RSAD2: variants seen among roughly 807,000 people sequenced by gnomAD.
The protein encoded by RSAD2 is radical S-adenosyl methionine domain containing 2, also known as S-adenosylmethionine-dependent nucleotide dehydratase RSAD2.
Under a neutral mutation model 37.7 loss-of-function variants are expected in RSAD2, and 38 were observed. The observed-to-expected ratio is 1.01, with a 90% confidence interval of 0.78 to 1.32. The LOEUF (loss-of-function observed/expected upper bound fraction) is 1.32, where lower values mean the gene tolerates loss of function less well. RSAD2 is among the 40% of genes most tolerant of loss of function. RSAD2 has a pLI of 0.00. For synonymous variants in RSAD2, 163 were observed against 157.4 expected, an observed-to-expected ratio of 1.04 and a Z score of -0.27; for missense variants, 428 against 437.5, an observed-to-expected ratio of 0.98 and a Z score of 0.19.
intron 1 of RSAD2, among the ~76,000 whole-genome samples, chr2:6,871,539 G>A (rs1400681169): frequency 1.3e-5 from 2 of 152,142 alleles, no homozygotes; most frequent in African/African-American, 4.8e-5. Flanking sequence ...TCTAAAATTT[G>A]GTAAGGGATT....
At chr2:6,894,878 A>C (rs1347167474) in intron 5 of RSAD2, among the ~76,000 whole-genome samples, 2 of 152,282 alleles carry the variant, frequency 1.3e-5, no homozygotes, top group Non-Finnish European at 2.9e-5. Flanking sequence ...TCCAAGGTAG[A>C]GAGGAAAATT....
chr2:6,867,656 A>G (rs1249791649), intron 1 of RSAD2, among the ~76,000 whole-genome samples: 1 of 152,160 alleles, frequency 6.6e-6, no homozygotes, highest in Non-Finnish European at 1.5e-5. Flanking sequence ...CTCCACAGTC[A>G]CGTGCCAGTC....
At chr2:6,884,276 G>C (rs1015423766) in intron 2 of RSAD2, among the ~76,000 whole-genome samples, 2 of 152,168 alleles carry the variant, frequency 1.3e-5, no homozygotes, top group Non-Finnish European at 1.5e-5. Flanking sequence ...CATGGACTGT[G>C]GGGGAGGGAC....
intron 2 of RSAD2, 39 bp downstream of exon 2, chr2:6,883,571 C>T: frequency 6.2e-7 from 1 of 1,604,696 alleles, no homozygotes. Flanking sequence ...ATTGCTATTG[C>T]TATTTTTATT....
chr2:6,886,628 C>T (rs137903193), intron 2 of RSAD2, among the ~76,000 whole-genome samples: 34 of 152,282 alleles, frequency 2.2e-4, no homozygotes, highest in Non-Finnish European at 4.0e-4. Context: ...TCAGAAATTA[C>T]ATAATTTGTA....
At chr2:6,871,099 T>C (rs1410314996) in intron 1 of RSAD2, among the ~76,000 whole-genome samples, 1 of 152,200 alleles carries the variant, frequency 6.6e-6, no homozygotes, top group Non-Finnish European at 1.5e-5. Flanking sequence ...GTTGGTACTT[T>C]GAAAGTCCTC....
At chr2:6,869,588 A>G (rs977554556) in intron 1 of RSAD2, among the ~76,000 whole-genome samples, 1 of 152,222 alleles carries the variant, frequency 6.6e-6, no homozygotes, top group East Asian at 1.9e-4. Flanking sequence ...TACAATATAC[A>G]ATGAATTTCT....
intron 2 of RSAD2, among the ~76,000 whole-genome samples, chr2:6,884,383 G>C (rs1025758873): frequency 6.6e-6 from 1 of 152,150 alleles, no homozygotes; most frequent in African/African-American, 2.4e-5. Context: ...GGGCCTACAA[G>C]CGTGTAAAAC....
Position 6,877,821 on chromosome 2 carries a change from T to C in RSAD2, c.21T>C (p.Ala7=). 6.2e-7 allele frequency: 1 copy of C among 1,614,000 alleles called. No individual in the cohort carries two copies. The highest frequency in any genetic ancestry group is 1.1e-5 in the South Asian group (1 of 91,064). The change falls in exon 1 of 6, where the codon GCT becomes GCC. Residue 7 remains alanine (A), a synonymous_variant. Coordinates refer to ENST00000382040, the MANE Select transcript of RSAD2 (RefSeq NM_080657.5). The stretch of plus-strand genomic sequence containing the variant: ...CCACAATGTGGGTGCTTACACCTGC[T>C]GCTTTTGCTGGGAAGCTCTTGAGTG... MWVLTP[A]AFAGKLLSVF...
At chr2:6,889,283 AG>A (rs1663584320) in intron 3 of RSAD2, among the ~76,000 whole-genome samples, 1 of 152,242 alleles carries the variant, frequency 6.6e-6, no homozygotes, top group Non-Finnish European at 1.5e-5. Context: ...AGATGCTCAC[AG>A]TCTATTAAGG....
intron 1 of RSAD2, among the ~76,000 whole-genome samples, chr2:6,867,208 G>A (rs2103232843): frequency 6.6e-6 from 1 of 152,224 alleles, no homozygotes; most frequent in East Asian, 1.9e-4. Flanking sequence ...AAAATACCAC[G>A]GACTGGGCCG....
At chr2:6,887,617 A>T (rs574011428) in intron 3 of RSAD2, among the ~76,000 whole-genome samples, 16 of 152,340 alleles carry the variant, frequency 1.1e-4, no homozygotes, top group African/African-American at 3.8e-4. Flanking sequence ...TGGGACCTTT[A>T]TTCCCAGATT....
At chr2:6,865,984 G>C in exon 1 of RSAD2, 3 of 869,482 alleles carry the variant, frequency 3.5e-6, no homozygotes, top group South Asian at 4.0e-5. Context: ...GGGCCTGCGC[G>C]GTCCCCAGGC....
intron 1 of RSAD2, chr2:6,866,508 C>A (rs2595173): frequency 0.99 from 971,846 of 985,198 alleles, 480,421 homozygotes; most frequent in South Asian, 1. Context: ...CCCAGATTGG[C>A]ACCTCGAAAT....
rs778051308 is a variant in RSAD2 at position 6,896,277 on chromosome 2, A to T, written c.*335A>T. 5.3e-6 allele frequency: 1 copy of T among 187,568 alleles called. No individual in the cohort carries two copies. The highest frequency in any genetic ancestry group is 1.1e-5 in the Non-Finnish European group (1 of 91,254). 11.6% of individuals were successfully genotyped at this position (187,568 alleles called of 1,614,324 possible). ...CTTAGATAAGGCCCCTATACACAGG[A>T]CCTGACATTTAGCTCAATGATGCGT... is the stretch of plus-strand genomic sequence containing the variant. On this transcript the variant is annotated 3_prime_UTR_variant, in exon 6 of 6. Transcript: ENST00000382040.
At chr2:6,866,113 T>C in intron 1 of RSAD2, 1 of 226,660 alleles carries the variant, frequency 4.4e-6, no homozygotes. Context: ...CCTCTGCGGC[T>C]TATGCCGGGT....
At chr2:6,889,911 T>C (rs1663596912) in intron 3 of RSAD2, among the ~76,000 whole-genome samples, 1 of 152,268 alleles carries the variant, frequency 6.6e-6, no homozygotes, top group Non-Finnish European at 1.5e-5. Context: ...TATTATTTTG[T>C]TGTCTGAAAA....
At chr2:6,868,471 G>A (rs901724207) in intron 1 of RSAD2, among the ~76,000 whole-genome samples, 1 of 152,118 alleles carries the variant, frequency 6.6e-6, no homozygotes, top group African/African-American at 2.4e-5. Flanking sequence ...TAAAATAAAT[G>A]ATGAGCTCAG....
chr2:6,898,051 A>G lies in RSAD2; in HGVS notation c.*2109A>G, dbSNP rs1046908632. On this transcript the variant is annotated 3_prime_UTR_variant, in exon 6 of 6. Coordinates refer to ENST00000382040, the MANE Select transcript of RSAD2 (RefSeq NM_080657.5). ...CAACTAAGAAAGGTCACATATGTGA[A>G]AGCCCAAGGACACTGTTTGATATAC... The G allele has an allele frequency of 6.8e-6, 1 of 147,998 alleles. No individual in the cohort carries two copies. The highest frequency in any genetic ancestry group is 1.5e-5 in the Non-Finnish European group (1 of 68,008). The allele number at this position is 147,998 out of a possible 1,614,324, so 9.2% of individuals were successfully genotyped here. A position where few individuals can be genotyped will look rare whatever the true frequency, so the allele number is the denominator to read the frequency against.
Sources: allele counts gnomAD v4.1 joint callset (sites outside exome capture counted in the v4.1 genomes callset), GRCh38; gene constraint gnomAD v4.1.1; transcripts MANE v1.5; gene names NCBI Gene and HGNC (gene_info 2026-07-23, HGNC 2026-07-21).